Variants in PLXNA4 observed in about 807,000 individuals in gnomAD.
The protein encoded by PLXNA4 is plexin-A4.
A neutral mutation model predicts 191.8 loss-of-function variants in PLXNA4; 44 were observed. The observed-to-expected ratio is 0.23, with a 90% confidence interval of 0.18 to 0.29. The LOEUF is 0.29. PLXNA4 is among the 10% of genes least tolerant of loss of function. The probability of loss-of-function intolerance (pLI) is 1.00; values close to 1 mark genes in which losing one functional copy is unlikely to be tolerated. For missense variants in PLXNA4, 1,800 were observed against 2,488.8 expected (o/e 0.72, Z 5.89); for synonymous variants, 1,082 against 1,009.5 (o/e 1.07, Z -1.36).
intron 4 of PLXNA4, among the ~76,000 whole-genome samples, chr7:132,278,004 C>T (rs1800341527): frequency 6.6e-6 from 1 of 152,174 alleles, no homozygotes. Flanking sequence ...CAATAAGTGC[C>T]TGCTGAATTG....
At chr7:132,359,559 T>C (rs893152563) in intron 3 of PLXNA4, among the ~76,000 whole-genome samples, 4 of 152,190 alleles carry the variant, frequency 2.6e-5, no homozygotes, top group African/African-American at 9.7e-5. Context: ...CATTTGACTG[T>C]GGCAGTAATC....
intron 2 of PLXNA4, among the ~76,000 whole-genome samples, chr7:132,634,212 G>T (rs569548378): frequency 9.2e-4 from 140 of 152,282 alleles, no homozygotes; most frequent in Non-Finnish European, 1.7e-3. Context: ...AATGGAGGTT[G>T]CTAGGTTGAG....
chr7:132,356,434 T>G (rs1435246704), intron 3 of PLXNA4, among the ~76,000 whole-genome samples: 1 of 152,230 alleles, frequency 6.6e-6, no homozygotes, highest in African/African-American at 2.4e-5. Context: ...AATGCTGTTG[T>G]TAAAAAACAA....
intron 3 of PLXNA4, among the ~76,000 whole-genome samples, chr7:132,461,652 T>G (rs1299422297): frequency 6.6e-6 from 1 of 152,210 alleles, no homozygotes; most frequent in Non-Finnish European, 1.5e-5. Flanking sequence ...TGGAGAAAAT[T>G]CTATAAACCT....
At chr7:132,396,922 G>A (rs906194817) in intron 3 of PLXNA4, among the ~76,000 whole-genome samples, 4 of 152,242 alleles carry the variant, frequency 2.6e-5, no homozygotes, top group African/African-American at 9.6e-5. Context: ...CCTTGGTGTG[G>A]GAAATAGAGC....
At chr7:132,647,809 CAT>C (rs1177779850) in intron 1 of PLXNA4, among the ~76,000 whole-genome samples, 4 of 151,874 alleles carry the variant, frequency 2.6e-5, no homozygotes, top group Admixed American at 6.6e-5. Flanking sequence ...CAGTCACACA[CAT>C]ACACATACAC....
intron 3 of PLXNA4, among the ~76,000 whole-genome samples, chr7:132,419,949 A>C (rs1794793766): frequency 6.6e-6 from 1 of 152,184 alleles, no homozygotes; most frequent in Non-Finnish European, 1.5e-5. Flanking sequence ...ACGGAAAAAA[A>C]ATCCTTAGCT....
At chr7:132,503,868 AACCCACTTGTTCTGGGAG>A (rs1302041311) in intron 2 of PLXNA4, among the ~76,000 whole-genome samples, 1 of 152,166 alleles carries the variant, frequency 6.6e-6, no homozygotes, top group African/African-American at 2.4e-5. Context: ...TTCAGATACT[AACCCACTTGTTCTGGGAG>A]ACCTCTTTCC....
At chr7:132,159,766 C>T (rs1795894449) in intron 24 of PLXNA4, 134 bp from the exon 25 acceptor site, 1 of 1,440,258 alleles carries the variant, frequency 6.9e-7, no homozygotes, top group African/African-American at 1.4e-5. Context: ...AGTAGGGTGG[C>T]TCCAGGCCAT....
At chr7:132,557,543 T>G (rs939130269) in intron 1 of PLXNA4, among the ~76,000 whole-genome samples, 1 of 107,958 alleles carries the variant, frequency 9.3e-6, no homozygotes, top group Non-Finnish European at 2.0e-5. Flanking sequence ...TAATTTATCT[T>G]TTTTTTAAAA....
intron 21 of PLXNA4, among the ~76,000 whole-genome samples, chr7:132,172,054 C>T (rs1796303242): frequency 6.6e-6 from 1 of 152,002 alleles, no homozygotes; most frequent in Non-Finnish European, 1.5e-5. Context: ...GAATTTTCTC[C>T]CCACTTTATG....
chr7:132,618,740 T>A (rs556797788), intron 2 of PLXNA4, among the ~76,000 whole-genome samples: 9 of 152,288 alleles, frequency 5.9e-5, no homozygotes, highest in Admixed American at 1.3e-4. Context: ...TTAGCCCCCA[T>A]GAAATATTTT....
intron 3 of PLXNA4, among the ~76,000 whole-genome samples, chr7:132,361,868 T>A (rs1185812197): frequency 2.6e-5 from 4 of 152,220 alleles, no homozygotes; most frequent in Non-Finnish European, 5.9e-5. Context: ...AGTTCTATTT[T>A]GTCCTCCTTT....
At chr7:132,398,149 C>G (rs901947816) in intron 3 of PLXNA4, among the ~76,000 whole-genome samples, 30 of 152,212 alleles carry the variant, frequency 2.0e-4, no homozygotes, top group Admixed American at 2.0e-3. Context: ...GTTATGGAAC[C>G]CTTGGTGTCT....
chr7:132,131,221 T>A (rs1355216428), intron 31 of PLXNA4, among the ~76,000 whole-genome samples: 3 of 152,086 alleles, frequency 2.0e-5, no homozygotes, highest in Non-Finnish European at 2.9e-5. Context: ...AGCCAGCAAA[T>A]GTGGCCCATG....
intron 1 of PLXNA4, among the ~76,000 whole-genome samples, chr7:132,550,098 C>T (rs1299580140): frequency 6.6e-6 from 1 of 152,110 alleles, no homozygotes; most frequent in East Asian, 1.9e-4. Context: ...TAGGGCTATA[C>T]CCCACCTGCT....
intron 3 of PLXNA4, among the ~76,000 whole-genome samples, chr7:132,413,922 CAAAA>C: frequency 6.6e-6 from 1 of 152,206 alleles, no homozygotes; most frequent in South Asian, 2.1e-4. Flanking sequence ...GCTGTGCTCA[CAAAA>C]AAAGGTATGC....
chr7:132,353,719 A>G (rs2116817351), intron 3 of PLXNA4, among the ~76,000 whole-genome samples: 1 of 152,220 alleles, frequency 6.6e-6, no homozygotes. Flanking sequence ...TAAGTCTATG[A>G]ATGACTTGGT....
intron 4 of PLXNA4, among the ~76,000 whole-genome samples, chr7:132,274,824 T>C (rs1357410313): frequency 1.4e-5 from 2 of 146,248 alleles, no homozygotes; most frequent in Non-Finnish European, 3.0e-5. Context: ...CCCAGGCTGG[T>C]CTTGAACTCC....
Sources: allele counts gnomAD v4.1 joint callset (sites outside exome capture counted in the v4.1 genomes callset), GRCh38; gene constraint gnomAD v4.1.1; transcripts MANE v1.5; gene names NCBI Gene and HGNC (gene_info 2026-07-23, HGNC 2026-07-21).